XAB2: variants seen among roughly 807,000 people sequenced by gnomAD.
XAB2 encodes the protein pre-mRNA-splicing factor SYF1.
XAB2 carries 57 observed loss-of-function variants against 113.4 expected under a neutral mutation model. That is an observed-to-expected ratio of 0.50 (90% CI 0.41 to 0.63). XAB2 has a LOEUF of 0.63. Among genes scored for constraint, XAB2 ranks in the 20% least tolerant of loss-of-function variants. The probability of loss-of-function intolerance (pLI) is 0.00; values close to 1 mark genes in which losing one functional copy is unlikely to be tolerated. For synonymous variants in XAB2, 497 were observed against 498.8 expected (o/e 1.00, Z 0.05); for missense variants, 1,037 against 1,233.3 (o/e 0.84, Z 2.38).
chr19:7,620,598 A>C lies in XAB2; in HGVS notation c.2043T>G (p.Ile681Met). Residue 681 changes from isoleucine (I) to methionine (M), a missense_variant, in exon 15 of 19, where the codon ATT (isoleucine) becomes ATG (methionine). By Grantham distance (10) the Ile-to-Met change is conservative (BLOSUM62 1). Coordinates refer to ENST00000358368, the MANE Select transcript of XAB2 (RefSeq NM_020196.3). ...AGCTGTAGATGGCCCGGGCGCGGTC[A>C]ATCTCCCCGAGCTTGCACTCCATGT... is the stretch of plus-strand genomic sequence containing the variant. ...FADMECKLGE[I>M]DRARAIYSFC... The C allele has an allele frequency of 6.2e-7, 1 of 1,613,278 alleles. No homozygotes were observed. The highest frequency in any genetic ancestry group is 8.5e-7 in the Non-Finnish European group (1 of 1,179,934).
Position 7,627,764 on chromosome 19 carries a change from G to A in XAB2, c.288C>T (p.Asn96=). The A allele has an allele frequency of 6.2e-7, 1 of 1,614,074 alleles. No individual in the cohort carries two copies. The highest frequency in any genetic ancestry group is 8.5e-7 in the Non-Finnish European group (1 of 1,180,020). Residue 96 remains asparagine (N), a synonymous_variant, in exon 3 of 19, where the codon AAC becomes AAT. Coordinates refer to ENST00000358368, the MANE Select transcript of XAB2 (RefSeq NM_020196.3). The surrounding 1 kb of genome is among the most constrained non-coding windows in gnomAD (Gnocchi z 4.5). ...CVTDPAYEDV[N]NCHERAFVFM... is the part of the protein sequence containing the mutation. Reference sequence around the variant, plus strand: ...ACACAAAGGCCCTCTCATGACAGTTGTTGACATCTTCATAGGCAGGGTCGG... The same window carrying A: ...ACACAAAGGCCCTCTCATGACAGTTATTGACATCTTCATAGGCAGGGTCGG...
Position 7,620,980 on chromosome 19 carries a change from T to C in XAB2, c.1837A>G (p.Met613Val). ...EEEWGLARHA[M>V]AVYERATRAV... is the part of the protein sequence containing the mutation. ...CTGGTGGCACGCTCGTACACGGCCA[T>C]GGCATGCCGGGCCAGGCCCCACTCC... The change falls in exon 14 of 19, where the codon ATG becomes GTG. Residue 613 changes from methionine to valine, a missense_variant. By Grantham distance (21) the Met-to-Val change is conservative. Transcript: ENST00000358368. The C allele has an allele frequency of 2.5e-6, 4 of 1,573,104 alleles. No individual in the cohort carries two copies. Among genetic ancestry groups the C allele is most frequent in the Non-Finnish European group, 3.4e-6 (4 of 1,160,652 alleles).
At position 7,628,061 on chromosome 19, in the gene XAB2, C is replaced by T; in HGVS notation, c.200+89G>A. The T allele has an allele frequency of 6.6e-7, 1 of 1,523,304 alleles. No homozygotes were observed. Among genetic ancestry groups the T allele is most frequent in the Non-Finnish European group, 8.8e-7 (1 of 1,130,092 alleles). 94.4% of individuals were successfully genotyped at this position (1,523,304 alleles called of 1,614,324 possible). On this transcript the variant is annotated intron_variant, in intron 2 of 18. Coordinates refer to ENST00000358368, the MANE Select transcript of XAB2 (RefSeq NM_020196.3). The surrounding 1 kb of genome is among the most constrained non-coding windows in gnomAD (Gnocchi z 4.6). The stretch of plus-strand genomic sequence containing the variant: ...CAGTGATGAAACACGAAGCAATCAC[C>T]CGGGACCCGGGACCCACTTGGCAGT...
chr19:7,627,860 T>A lies in XAB2; in HGVS notation c.201-9A>T, dbSNP rs111691303. ...GGTACCAGAGTTTGTAGCTGGGGAA[T>A]AGGAGGGGACAGATGCTGATCGGTC... On this transcript the variant is annotated splice_polypyrimidine_tract_variant and intron_variant, in intron 2 of 18. Coordinates refer to ENST00000358368, the MANE Select transcript of XAB2 (RefSeq NM_020196.3). This position sits in a 1 kb window ranked among gnomAD's most constrained non-coding sequence, Gnocchi z 4.5. 1.2e-6 allele frequency: 2 copies of A among 1,611,134 alleles called. No individual in the cohort carries two copies. The highest frequency in any genetic ancestry group is 1.7e-5 in the Admixed American group (1 of 59,928).
intron 1 of XAB2, among the ~76,000 whole-genome samples, chr19:7,629,113 C>T (rs2031203493): frequency 6.6e-6 from 1 of 152,218 alleles, no homozygotes; most frequent in Non-Finnish European, 1.5e-5. Flanking sequence ...TCCCAGAAAC[C>T]AGAACCCTGG....
Position 7,627,547 on chromosome 19 carries a change from TG to T in XAB2, c.325-108del, listed in dbSNP as rs1165043098. ...GCCACACCTGGGGCCACCACATAAA[TG>T]CGGCGGGACCCAGAAACCCCCAGCT... On this transcript the variant is annotated intron_variant, in intron 3 of 18. Coordinates refer to ENST00000358368, the MANE Select transcript of XAB2 (RefSeq NM_020196.3). The surrounding 1 kb of genome is among the most constrained non-coding windows in gnomAD (Gnocchi z 4.5). 1.3e-5 allele frequency: 20 copies of T among 1,511,550 alleles called. No individual in the cohort carries two copies. The highest frequency in any genetic ancestry group is 1.7e-5 in the Non-Finnish European group (19 of 1,113,344). The allele number at this position is 1,511,550 out of a possible 1,614,324, so 93.6% of individuals were successfully genotyped here. A position where few individuals can be genotyped will look rare whatever the true frequency, so the allele number is the denominator to read the frequency against.
Position 7,625,962 on chromosome 19 carries a change from C to T in XAB2, c.740G>A (p.Gly247Asp), listed in dbSNP as rs748613774. The T allele has an allele frequency of 6.2e-7, 1 of 1,613,756 alleles. No individual in the cohort carries two copies. The highest frequency in any genetic ancestry group is 1.1e-5 in the South Asian group (1 of 91,040). ...SLNVDAIIRG[G>D]LTRFTDQLGK... ...CAGCTGGTCGGTGAAGCGGGTGAGG[C>T]CCCCGCGGATGATGGCGTCCACATT... The change falls in exon 6 of 19, where the codon GGC (glycine) becomes GAC (aspartate). Residue 247 changes from glycine to aspartate, a missense_variant. Physicochemically the swap from Gly to Asp is moderately conservative, Grantham distance 94. Coordinates refer to ENST00000358368, the MANE Select transcript of XAB2 (RefSeq NM_020196.3). The surrounding 1 kb of genome is among the most constrained non-coding windows in gnomAD (Gnocchi z 5.2).
Position 7,628,022 on chromosome 19 carries a change from A to G in XAB2, c.200+128T>C. On this transcript the variant is annotated intron_variant, in intron 2 of 18. Transcript: ENST00000358368. The surrounding 1 kb of genome is among the most constrained non-coding windows in gnomAD (Gnocchi z 4.6). ...TCAGAGAAGGTGTGCTGACCCATCA[A>G]GGGATGTACAGGTCAGTGATGAAAC... The G allele has an allele frequency of 6.9e-6, 10 of 1,455,570 alleles. No individual in the cohort carries two copies. The highest frequency in any genetic ancestry group is 9.3e-6 in the Non-Finnish European group (10 of 1,079,930). 90.2% of individuals were successfully genotyped at this position (1,455,570 alleles called of 1,614,324 possible).
At position 7,625,473 on chromosome 19, in the gene XAB2, C is replaced by CT. The variant is rs397724907; in HGVS notation, c.822+406dup. 9.7e-3 allele frequency among the ~76,000 whole-genome samples: 1,020 copies of CT among 105,264 alleles called. 2 individuals carry two copies. Among genetic ancestry groups the CT allele is most frequent in the Middle Eastern group, 0.014 (2 of 144 alleles). 69.1% of individuals were successfully genotyped at this position (105,264 alleles called of 152,430 possible). On this transcript the variant is annotated intron_variant, in intron 6 of 18. Coordinates refer to ENST00000358368, the MANE Select transcript of XAB2 (RefSeq NM_020196.3). The surrounding 1 kb of genome is among the most constrained non-coding windows in gnomAD (Gnocchi z 5.2). Reference sequence around the variant, plus strand: ...ATATGCATGTCTGTCAAAAATGGCACTTTTTTTTTTTTTTTTTTTTTTTGA... The same window carrying CT: ...ATATGCATGTCTGTCAAAAATGGCACTTTTTTTTTTTTTTTTTTTTTTTTGA...
chr19:7,622,726 T>A (rs2031061029), intron 10 of XAB2, 36 bp downstream of exon 10: 3 of 1,613,028 alleles, frequency 1.9e-6, no homozygotes, highest in Non-Finnish European at 2.5e-6. Context: ...CCCTACAACC[T>A]GCAGCCCCCA....
At position 7,622,671 on chromosome 19, in the gene XAB2, C is replaced by T. The variant is rs1217752940; in HGVS notation, c.1372-10G>A. The T allele has an allele frequency of 3.1e-6, 5 of 1,611,802 alleles. No homozygotes were observed. The Admixed American group carries it at 6.7e-5, about 21-fold the overall frequency. On this transcript the variant is annotated splice_polypyrimidine_tract_variant and intron_variant, in intron 10 of 18. Transcript: ENST00000358368. ...GCAGCGCCGTGGCCTTCTGCAGGGG[C>T]AGACAGTGGCCGGGGAGGCGCTCAG...
rs199504129 is a variant in XAB2, at chr19:7,623,894, G to A, written c.968-12C>T. On this transcript the variant is annotated splice_polypyrimidine_tract_variant and intron_variant, in intron 7 of 18. Transcript: ENST00000358368. The surrounding 1 kb of genome is among the most constrained non-coding windows in gnomAD (Gnocchi z 4.6). ...CAGGTCCACATCATCTGGGAGCCGC[G>A]AACATGTTTGTCAGGGGCGGAGACC... The A allele has an allele frequency of 3.5e-5, 54 of 1,550,724 alleles. No homozygotes were observed. In the African/African-American group the frequency reaches 3.8e-4, roughly 11 times the overall value.
At position 7,628,094 on chromosome 19, in the gene XAB2, T is replaced by C; in HGVS notation, c.200+56A>G. 3.2e-6 allele frequency: 5 copies of C among 1,575,878 alleles called. No individual in the cohort carries two copies. Among genetic ancestry groups the C allele is most frequent in the South Asian group, 2.3e-5 (2 of 87,892 alleles). On this transcript the variant is annotated intron_variant, in intron 2 of 18. Transcript: ENST00000358368. The surrounding 1 kb of genome is among the most constrained non-coding windows in gnomAD (Gnocchi z 4.6). ...CGGGACCCACTTGGCAGTTTTGTTA[T>C]AACTGGACCAGGTGGGGTGGGGGCT...
chr19:7,623,004 GCA>G lies in XAB2; in HGVS notation c.1240-113_1240-112del. ...CAAACATACAGGCACAAACACACAG[GCA>G]CACACACAGGCACACACATGCGTGC... On this transcript the variant is annotated intron_variant, in intron 9 of 18. Coordinates refer to ENST00000358368, the MANE Select transcript of XAB2 (RefSeq NM_020196.3). This position sits in a 1 kb window ranked among gnomAD's most constrained non-coding sequence, Gnocchi z 4.6. 1 of 1,543,816 alleles carries G rather than the reference GCA, an allele frequency of 6.5e-7. No homozygotes were observed. Among genetic ancestry groups the G allele is most frequent in the Non-Finnish European group, 8.7e-7 (1 of 1,144,954 alleles).
chr19:7,623,436 G>C lies in XAB2; in HGVS notation c.1120-147C>G, dbSNP rs1238417533. The C allele has an allele frequency of 5.2e-5, 61 of 1,179,918 alleles. No individual in the cohort carries two copies. Among genetic ancestry groups the C allele is most frequent in the Non-Finnish European group, 6.6e-5 (56 of 844,522 alleles). The allele number at this position is 1,179,918 out of a possible 1,614,324, so 73.1% of individuals were successfully genotyped here. A position where few individuals can be genotyped will look rare whatever the true frequency, so the allele number is the denominator to read the frequency against. ...GAAACGAACTATGGCCCTTGACAAT[G>C]GTCAGGACCAAGAGAGAGCTGTGGC... On this transcript the variant is annotated intron_variant, in intron 8 of 18. Transcript: ENST00000358368. This position sits in a 1 kb window ranked among gnomAD's most constrained non-coding sequence, Gnocchi z 4.6.
chr19:7,623,750 T>C lies in XAB2; in HGVS notation c.1100A>G (p.His367Arg), dbSNP rs1184812617. ...ATGTACCTCCCGGGGGCGGCCCTGG[T>C]GCAGGGCGACACGCTTGTGCCACTC... ...VHEWHKRVAL[H>R]QGRPREIINT... The change falls in exon 8 of 19, where the codon CAC becomes CGC. Residue 367 changes from histidine (H) to arginine (R), a missense_variant. His to Arg is a conservative substitution (Grantham distance 29). Transcript: ENST00000358368. This position sits in a 1 kb window ranked among gnomAD's most constrained non-coding sequence, Gnocchi z 4.6. 1.2e-6 allele frequency: 2 copies of C among 1,607,896 alleles called. No individual in the cohort carries two copies. The highest frequency in any genetic ancestry group is 8.5e-7 in the Non-Finnish European group (1 of 1,178,016).
In XAB2 at chr19:7,627,347, G is replaced by A. The variant is rs146244667; in HGVS notation, c.418C>T (p.Leu140=). 7 of 1,613,520 alleles carry A rather than the reference G, an allele frequency of 4.3e-6. No individual in the cohort carries two copies. The African/African-American group carries it at 9.3e-5, about 22-fold the overall frequency. ...RRTFDRALRA[L]PITQHSRIWP... is the part of the protein sequence containing the mutation. ...ATTCGAGAGTGCTGCGTGATGGGCA[G>A]TGCCCGGAGGGCACGGTCGAAGGTG... is the stretch of plus-strand genomic sequence containing the variant. The change falls in exon 4 of 19, where the codon CTG becomes TTG. Residue 140 remains leucine (L), a synonymous_variant. Coordinates refer to ENST00000358368, the MANE Select transcript of XAB2 (RefSeq NM_020196.3). The surrounding 1 kb of genome is among the most constrained non-coding windows in gnomAD (Gnocchi z 4.5).
In XAB2 at chr19:7,620,591, C is replaced by T. The variant is rs779224839; in HGVS notation, c.2050G>A (p.Ala684Thr). ...GAGCAGAAGCTGTAGATGGCCCGGG[C>T]GCGGTCAATCTCCCCGAGCTTGCAC... ...MECKLGEIDRARAIYSFCSQI... is the reference protein window; with the variant it reads ...MECKLGEIDRTRAIYSFCSQI... Residue 684 changes from alanine to threonine, a missense_variant, in exon 15 of 19, where the codon GCC becomes ACC. Physicochemically the swap from Ala to Thr is moderately conservative, Grantham distance 58. Coordinates refer to ENST00000358368, the MANE Select transcript of XAB2 (RefSeq NM_020196.3). The T allele has an allele frequency of 9.7e-5, 156 of 1,613,240 alleles. No individual in the cohort carries two copies. The highest frequency in any genetic ancestry group is 1.6e-4 in the Middle Eastern group (1 of 6,082).
chr19:7,622,426 C>T lies in XAB2; in HGVS notation c.1522G>A (p.Asp508Asn), dbSNP rs772361220. Residue 508 changes from aspartate to asparagine, a missense_variant, in exon 12 of 19, where the codon GAC becomes AAC. Physicochemically the swap from Asp to Asn is conservative, Grantham distance 23. Coordinates refer to ENST00000358368, the MANE Select transcript of XAB2 (RefSeq NM_020196.3). ...GTFQSTKAVY[D>N]RILDLRIATP... Reference sequence around the variant, plus strand: ...GCGATACGCAGGTCCAGGATGCGGTCGTACACGGCCTTGGTGGACTGCAGG... The same window carrying T: ...GCGATACGCAGGTCCAGGATGCGGTTGTACACGGCCTTGGTGGACTGCAGG... The T allele has an allele frequency of 5.0e-6, 8 of 1,614,114 alleles. No homozygotes were observed. The highest frequency in any genetic ancestry group is 2.2e-5 in the East Asian group (1 of 44,882).
Sources: allele counts gnomAD v4.1 joint callset (sites outside exome capture counted in the v4.1 genomes callset), GRCh38; gene constraint gnomAD v4.1.1; non-coding constraint Gnocchi (gnomAD v3.1); transcripts MANE v1.5; gene names NCBI Gene and HGNC (gene_info 2026-07-23, HGNC 2026-07-21).